Variants in TRERF1 observed in about 807,000 individuals in gnomAD.
TRERF1 encodes the protein transcriptional regulating factor 1.
In TRERF1, 27 loss-of-function variants were observed where a neutral mutation model predicts 122.9. The ratio of observed to expected loss-of-function variants is 0.22; its 90% CI spans 0.16 to 0.30. The LOEUF is 0.30. Among genes scored for constraint, TRERF1 ranks in the 10% least tolerant of loss-of-function variants. The pLI is 1.00. For synonymous variants in TRERF1, 636 were observed against 641.7 expected (o/e 0.99, Z 0.13); for missense variants, 1,248 against 1,560.3 (o/e 0.80, Z 3.37).
At chr6:42,408,114 G>A (rs1780453797) in intron 2 of TRERF1, among the ~76,000 whole-genome samples, 1 of 151,218 alleles carries the variant, frequency 6.6e-6, no homozygotes, top group Non-Finnish European at 1.5e-5. Context: ...TTGCCTTAAA[G>A]AACTTCATCA....
At position 42,232,752 on chromosome 6, in the gene TRERF1, G is replaced by A; in HGVS notation, c.3207C>T (p.Ser1069=). Residue 1069 remains serine (S), a synonymous_variant, in exon 17 of 18, where the codon AGC becomes AGT. Transcript: ENST00000372922. This position sits in a 1 kb window ranked among gnomAD's most constrained non-coding sequence, Gnocchi z 4.5. The stretch of plus-strand genomic sequence containing the variant: ...CGCTGGTGGTGCTGTGAGAGGGTGA[G>A]CTCTTTACCGAACAGTACCCACTCT... 6.2e-7 allele frequency: 1 copy of A among 1,611,676 alleles called. No homozygotes were observed. Among genetic ancestry groups the A allele is most frequent in the South Asian group, 1.1e-5 (1 of 90,976 alleles).
intron 3 of TRERF1, among the ~76,000 whole-genome samples, chr6:42,348,220 C>T (rs1268058279): frequency 6.6e-6 from 1 of 152,116 alleles, no homozygotes; most frequent in East Asian, 1.9e-4. Flanking sequence ...CACACCCATA[C>T]TTCCCTGGCT....
intron 8 of TRERF1, among the ~76,000 whole-genome samples, chr6:42,262,455 AGAGAGAGAGAG>A: frequency 5.1e-5 from 1 of 19,516 alleles, no homozygotes; most frequent in African/African-American, 2.7e-4. Context: ...AGAGAGAGAG[AGAGAGAGAGAG>A]GAGAGAGAGA....
chr6:42,234,522 T>C (rs1771631909), intron 16 of TRERF1, among the ~76,000 whole-genome samples: 1 of 151,974 alleles, frequency 6.6e-6, no homozygotes, highest in Admixed American at 6.6e-5. Flanking sequence ...ATTTTTAGTA[T>C]AGTAGAGACG....
Position 42,269,048 on chromosome 6 carries a change from G to A in TRERF1, c.543C>T (p.Leu181=). 1.9e-6 allele frequency: 3 copies of A among 1,614,178 alleles called. No homozygotes were observed. The highest frequency in any genetic ancestry group is 2.2e-5 in the South Asian group (2 of 91,088). ...TGGGCTTCTGAGACAGCAGCTGGCG[G>A]AGAGCACTGTCAGGGGCTCCATCCA... The change falls in exon 5 of 18, where the codon CTC becomes CTT. Residue 181 remains leucine, a synonymous_variant. Transcript: ENST00000372922. This position sits in a 1 kb window ranked among gnomAD's most constrained non-coding sequence, Gnocchi z 4.9.
At position 42,290,744 on chromosome 6, in the gene TRERF1, T is replaced by TTA. The variant is rs1309529616; in HGVS notation, c.-259+9893_-259+9894insTA. Among the ~76,000 whole-genome samples, 97 of 78,916 alleles carry TTA rather than the reference T, an allele frequency of 1.2e-3. No individual in the cohort carries two copies. The East Asian group carries it at 0.035, about 28-fold the overall frequency. 51.8% of individuals were successfully genotyped at this position (78,916 alleles called of 152,430 possible). A position where few individuals can be genotyped will look rare whatever the true frequency, so the allele number is the denominator to read the frequency against. On this transcript the variant is annotated intron_variant, in intron 4 of 17. Transcript: ENST00000372922. ...TATCCTTTTTTCCATTTCTTTCCTT[T>TTA]TTTTTTTTTTTTTTTTTTTTGAACA...
chr6:42,411,921 C>T (rs1781145279), intron 2 of TRERF1, among the ~76,000 whole-genome samples: 1 of 152,036 alleles, frequency 6.6e-6, no homozygotes, highest in African/African-American at 2.4e-5. Flanking sequence ...ATGGCTTCTG[C>T]AGACACCGTG....
chr6:42,273,711 T>C lies in TRERF1; in HGVS notation c.-258-3863A>G, dbSNP rs139222584. The stretch of plus-strand genomic sequence containing the variant: ...AGTTGTAGTGGGCCTTAAAGTGACA[T>C]CCAACAGTATTATCCTTTGGGCATT... On this transcript the variant is annotated intron_variant, in intron 4 of 17. Coordinates refer to ENST00000372922, the Ensembl canonical transcript of TRERF1. Among the ~76,000 whole-genome samples the C allele has an allele frequency of 4.8e-3, 736 of 152,350 alleles. 9 individuals are homozygous for C. The highest frequency in any genetic ancestry group is 0.016 in the African/African-American group (686 of 41,582).
intron 4 of TRERF1, among the ~76,000 whole-genome samples, chr6:42,292,658 T>C (rs1296747715): frequency 6.6e-6 from 1 of 152,152 alleles, no homozygotes; most frequent in Non-Finnish European, 1.5e-5. Context: ...TTCTCTAATT[T>C]GGTGTTACTG....
Position 42,259,569 on chromosome 6 carries a change from G to A in TRERF1, c.2039C>T (p.Ala680Val). The change falls in exon 9 of 18, where the codon GCC becomes GTC. Residue 680 changes from alanine to valine, a missense_variant. Ala to Val is a moderately conservative substitution (Grantham distance 64). Coordinates refer to ENST00000372922, the Ensembl canonical transcript of TRERF1. This position sits in a 1 kb window ranked among gnomAD's most constrained non-coding sequence, Gnocchi z 4.9. ...GCGCAGCTGGCTCTGGTACAGGGTG[G>A]CGCCCGAGTAGGAGGCAGCGGGGTT... 1 of 1,613,816 alleles carries A rather than the reference G, an allele frequency of 6.2e-7. No homozygotes were observed. Among genetic ancestry groups the A allele is most frequent in the Non-Finnish European group, 8.5e-7 (1 of 1,179,878 alleles).
At chr6:42,382,649 G>A (rs1776134686) in intron 2 of TRERF1, among the ~76,000 whole-genome samples, 1 of 152,102 alleles carries the variant, frequency 6.6e-6, no homozygotes, top group Non-Finnish European at 1.5e-5. Context: ...TGCCATAAAA[G>A]AGTGTCCAAA....
chr6:42,366,861 C>T (rs1772837944), intron 2 of TRERF1, among the ~76,000 whole-genome samples: 1 of 152,166 alleles, frequency 6.6e-6, no homozygotes, highest in Non-Finnish European at 1.5e-5. Context: ...ACTCAAGGGC[C>T]ATCTGATCAC....
chr6:42,407,124 G>T (rs1780289780), intron 2 of TRERF1, among the ~76,000 whole-genome samples: 1 of 152,154 alleles, frequency 6.6e-6, no homozygotes, highest in South Asian at 2.1e-4. Context: ...CAGATAAGTG[G>T]CTGGCCTCCT....
intron 2 of TRERF1, among the ~76,000 whole-genome samples, chr6:42,423,808 G>C (rs1335992030): frequency 6.6e-6 from 1 of 152,120 alleles, no homozygotes; most frequent in East Asian, 1.9e-4. Flanking sequence ...GATCCCATCT[G>C]TATCATTGTA....
chr6:42,281,844 G>T (rs67319752), intron 4 of TRERF1, among the ~76,000 whole-genome samples: 4,156 of 152,322 alleles, frequency 0.027, 56 homozygotes, highest in Non-Finnish European at 0.037. Flanking sequence ...GCTAGGCACA[G>T]TGCCAAGTCC....
At chr6:42,430,476 G>T (rs1327914478) in intron 2 of TRERF1, among the ~76,000 whole-genome samples, 1 of 152,208 alleles carries the variant, frequency 6.6e-6, no homozygotes, top group African/African-American at 2.4e-5. Flanking sequence ...TAAGCCAGGC[G>T]CTATGGCTCA....
chr6:42,312,316 G>A (rs920098812), intron 3 of TRERF1, among the ~76,000 whole-genome samples: 3 of 152,206 alleles, frequency 2.0e-5, no homozygotes, highest in Non-Finnish European at 4.4e-5. Flanking sequence ...GCTCCAGGCT[G>A]GCTCTCCCAG....
At chr6:42,344,142 G>A (rs1767828948) in intron 3 of TRERF1, among the ~76,000 whole-genome samples, 2 of 152,172 alleles carry the variant, frequency 1.3e-5, no homozygotes, top group Admixed American at 6.5e-5. Context: ...CGAACTGCTT[G>A]GAGTCTCAAG....
At chr6:42,240,324 A>G (rs914210895) in intron 15 of TRERF1, among the ~76,000 whole-genome samples, 1 of 152,246 alleles carries the variant, frequency 6.6e-6, no homozygotes, top group Non-Finnish European at 1.5e-5. Context: ...CAAGCCTAAG[A>G]TACACCAATT....
Sources: gnomAD v4.1 joint callset for allele counts (sites outside exome capture counted in the v4.1 genomes callset) on GRCh38, gnomAD v4.1.1 for gene constraint, Gnocchi (gnomAD v3.1) non-coding constraint, MANE v1.5 for transcripts, NCBI Gene and HGNC (gene_info 2026-07-23, HGNC 2026-07-21) for gene names.